NTM: variants seen among roughly 807,000 people sequenced by gnomAD.
The protein encoded by NTM is IgLON family member 2.
NTM carries 13 observed loss-of-function variants against 42.1 expected under a neutral mutation model. The ratio of observed to expected loss-of-function variants is 0.31; its 90% CI spans 0.20 to 0.49. The LOEUF (loss-of-function observed/expected upper bound fraction) is 0.49, where lower values mean the gene tolerates loss of function less well. Ranked by LOEUF, NTM falls within the 20% of genes least tolerant of loss-of-function variation. NTM has a pLI of 0.99. For synonymous variants in NTM, 187 were observed against 179.2 expected (o/e 1.04, Z -0.35); for missense variants, 373 against 452.8 (o/e 0.82, Z 1.60).
intron 1 of NTM, among the ~76,000 whole-genome samples, chr11:131,897,588 A>C (rs2052503283): frequency 6.6e-6 from 1 of 152,220 alleles, no homozygotes; most frequent in Non-Finnish European, 1.5e-5. Context: ...AGGAGCTTCT[A>C]CTCAGCATGG....
intron 1 of NTM, among the ~76,000 whole-genome samples, chr11:131,468,839 A>C (rs1016978725): frequency 3.3e-5 from 5 of 152,198 alleles, no homozygotes; most frequent in African/African-American, 1.2e-4. Context: ...TGGCCAGCAA[A>C]ATTGGCTGTT....
intron 1 of NTM, among the ~76,000 whole-genome samples, chr11:131,893,418 G>A (rs1180320934): frequency 2.6e-5 from 4 of 152,140 alleles, no homozygotes; most frequent in African/African-American, 9.7e-5. Context: ...ACGTTGCAAA[G>A]AATAGTGAAA....
intron 1 of NTM, among the ~76,000 whole-genome samples, chr11:131,745,553 G>T (rs528510355): frequency 6.6e-6 from 1 of 152,148 alleles, no homozygotes; most frequent in Admixed American, 6.5e-5. Context: ...CGAATTACTA[G>T]AACAAGGGGT....
chr11:131,697,392 G>A (rs2075586599), intron 1 of NTM, among the ~76,000 whole-genome samples: 1 of 152,162 alleles, frequency 6.6e-6, no homozygotes, highest in African/African-American at 2.4e-5. Flanking sequence ...TTACATATTG[G>A]CTGATTATTT....
At chr11:132,320,484 C>T (rs1008746607) in intron 7 of NTM, among the ~76,000 whole-genome samples, 13 of 152,188 alleles carry the variant, frequency 8.5e-5, no homozygotes, top group Admixed American at 2.6e-4. Context: ...TAAAAAACGG[C>T]GCACCATGAG....
At chr11:131,938,992 G>T (rs987635217) in intron 2 of NTM, among the ~76,000 whole-genome samples, 4 of 152,312 alleles carry the variant, frequency 2.6e-5, no homozygotes, top group Middle Eastern at 3.4e-3. Context: ...GCATCAAGAA[G>T]AGTTTGCAGA....
chr11:131,967,845 G>C (rs2063027999), intron 2 of NTM, among the ~76,000 whole-genome samples: 2 of 152,064 alleles, frequency 1.3e-5, no homozygotes. Context: ...AACTGTGGAG[G>C]GTGAGGAGCC....
At chr11:131,914,403 A>C (rs554570701) in intron 2 of NTM, among the ~76,000 whole-genome samples, 1 of 152,178 alleles carries the variant, frequency 6.6e-6, no homozygotes, top group Admixed American at 6.5e-5. Context: ...TCTGGCCTGG[A>C]GGGCCGCCAT....
intron 2 of NTM, among the ~76,000 whole-genome samples, chr11:131,960,060 T>G (rs1035472967): frequency 6.6e-6 from 1 of 152,162 alleles, no homozygotes; most frequent in Non-Finnish European, 1.5e-5. Context: ...GAAGCTGATT[T>G]GAATTCCTTC....
chr11:132,245,496 C>A (rs904070504), intron 4 of NTM, among the ~76,000 whole-genome samples: 3 of 151,962 alleles, frequency 2.0e-5, no homozygotes, highest in Admixed American at 2.0e-4. Context: ...AAAGAGCAAG[C>A]GGAGCATTTT....
chr11:132,141,375 G>C (rs1455922328), intron 2 of NTM, among the ~76,000 whole-genome samples: 2 of 151,912 alleles, frequency 1.3e-5, no homozygotes, highest in Admixed American at 1.3e-4. Context: ...GCACATCTTG[G>C]GCTTGCTTAA....
At chr11:132,019,781 T>C (rs1744850775) in intron 2 of NTM, among the ~76,000 whole-genome samples, 1 of 152,080 alleles carries the variant, frequency 6.6e-6, no homozygotes, top group South Asian at 2.1e-4. Context: ...TTATAAGAAA[T>C]TGGATCTTAC....
At chr11:131,483,513 A>G (rs1046228065) in intron 1 of NTM, among the ~76,000 whole-genome samples, 2 of 152,250 alleles carry the variant, frequency 1.3e-5, no homozygotes, top group African/African-American at 2.4e-5. Flanking sequence ...AATAAAAGGA[A>G]TGGTGAAGAA....
chr11:132,281,995 G>A (rs2093988649), intron 4 of NTM, among the ~76,000 whole-genome samples: 1 of 152,070 alleles, frequency 6.6e-6, no homozygotes, highest in South Asian at 2.1e-4. Flanking sequence ...ATGTTTCATT[G>A]CCAAAAGCAA....
chr11:131,940,308 A>G (rs759984766), intron 2 of NTM, among the ~76,000 whole-genome samples: 1 of 152,218 alleles, frequency 6.6e-6, no homozygotes, highest in Non-Finnish European at 1.5e-5. Flanking sequence ...GAATCACCAC[A>G]AAATATTATC....
At chr11:131,960,902 CT>C (rs1232346841) in intron 2 of NTM, among the ~76,000 whole-genome samples, 1 of 152,156 alleles carries the variant, frequency 6.6e-6, no homozygotes, top group Non-Finnish European at 1.5e-5. Flanking sequence ...GTCAATATTG[CT>C]TTTTGAAATT....
intron 2 of NTM, among the ~76,000 whole-genome samples, chr11:132,005,705 C>A (rs2070613817): frequency 6.6e-6 from 1 of 152,096 alleles, no homozygotes; most frequent in South Asian, 2.1e-4. Context: ...ATATTTCTAT[C>A]TCTTCCTTTT....
At chr11:132,141,498 A>G (rs2069144683) in intron 2 of NTM, among the ~76,000 whole-genome samples, 2 of 152,224 alleles carry the variant, frequency 1.3e-5, no homozygotes, top group African/African-American at 4.8e-5. Flanking sequence ...CATTGGAACA[A>G]TAGGTGCAGC....
At chr11:131,522,130 G>A (rs1010723014) in intron 1 of NTM, among the ~76,000 whole-genome samples, 3 of 152,144 alleles carry the variant, frequency 2.0e-5, no homozygotes, top group East Asian at 3.9e-4. Flanking sequence ...CTTCGTCAAC[G>A]TATGTTAATT....
Sources: gnomAD v4.1 joint callset for allele counts (sites outside exome capture counted in the v4.1 genomes callset) on GRCh38, gnomAD v4.1.1 for gene constraint, MANE v1.5 for transcripts, NCBI Gene and HGNC (gene_info 2026-07-23, HGNC 2026-07-21) for gene names.